Variants in KIAA0232 observed in about 807,000 individuals in gnomAD.
The protein encoded by KIAA0232 is uncharacterized protein KIAA0232.
Under a neutral mutation model 122.0 loss-of-function variants are expected in KIAA0232, and 27 were observed. The observed-to-expected ratio is 0.22, with a 90% CI of 0.16 to 0.31. The LOEUF is 0.31. KIAA0232 is among the 10% of genes least tolerant of loss of function. The probability of loss-of-function intolerance (pLI) is 1.00; values close to 1 mark genes in which losing one functional copy is unlikely to be tolerated. For missense variants in KIAA0232, 1,551 were observed against 1,634.2 expected (o/e 0.95, Z 0.88); for synonymous variants, 613 against 587.6 (o/e 1.04, Z -0.63).
At chr4:6,821,514 G>A (rs2109021235) in intron 2 of KIAA0232, among the ~76,000 whole-genome samples, 1 of 152,158 alleles carries the variant, frequency 6.6e-6, no homozygotes. Flanking sequence ...TAGAATAATG[G>A]TCTCTGGTTC....
At chr4:6,789,704 T>C (rs1716802749) in intron 1 of KIAA0232, among the ~76,000 whole-genome samples, 2 of 152,342 alleles carry the variant, frequency 1.3e-5, no homozygotes, top group South Asian at 2.1e-4. Context: ...TGTCTGTAGA[T>C]GAGCAGGTTT....
In KIAA0232 at chr4:6,862,172, G is replaced by A. The variant is rs752327429; in HGVS notation, c.1790G>A (p.Ser597Asn). ...LAQFWECCSSSSGDADGESFG... is the reference protein window; with the variant it reads ...LAQFWECCSSNSGDADGESFG... ...CAGTTTTGGGAGTGCTGTTCATCCA[G>A]CTCCGGTGATGCTGATGGGGAGAGT... Residue 597 changes from serine to asparagine, a missense_variant, in exon 7 of 10, where the codon AGC becomes AAC. Around this residue, in one of 5 missense-constraint regions of KIAA0232, gnomAD observed 1,108 missense variants for 1,154.8 expected, o/e 0.96. Transcript: ENST00000307659. The A allele has an allele frequency of 6.2e-7, 1 of 1,614,166 alleles. No individual in the cohort carries two copies. The highest frequency in any genetic ancestry group is 1.7e-5 in the Admixed American group (1 of 60,018).
chr4:6,858,409 T>G lies in KIAA0232; in HGVS notation c.437-16T>G. On this transcript the variant is annotated splice_polypyrimidine_tract_variant and intron_variant, in intron 5 of 9. Transcript: ENST00000307659. ...AGATATAAGACAAATCTTTCTTAAT[T>G]TTTGTTTCATAACAGAAGAGAAGAT... 1 of 1,505,330 alleles carries G rather than the reference T, an allele frequency of 6.6e-7. No individual in the cohort carries two copies. The highest frequency in any genetic ancestry group is 9.1e-7 in the Non-Finnish European group (1 of 1,099,668). 93.2% of individuals were successfully genotyped at this position (1,505,330 alleles called of 1,614,324 possible).
intron 3 of KIAA0232, among the ~76,000 whole-genome samples, chr4:6,826,356 G>A (rs1718684803): frequency 6.6e-6 from 1 of 151,976 alleles, no homozygotes. Context: ...TCATCTTTCT[G>A]GTAAATGTCA....
intron 1 of KIAA0232, among the ~76,000 whole-genome samples, chr4:6,792,299 T>C (rs1045597755): frequency 6.6e-6 from 1 of 152,162 alleles, no homozygotes; most frequent in Non-Finnish European, 1.5e-5. Context: ...CAGGTTTTTG[T>C]TATTTGTAAC....
Position 6,862,163 on chromosome 4 carries a change from G to A in KIAA0232, c.1781G>A (p.Cys594Tyr), listed in dbSNP as rs199735011. 19 of 1,614,068 alleles carry A rather than the reference G, an allele frequency of 1.2e-5. No homozygotes were observed. Among genetic ancestry groups the A allele is most frequent in the Non-Finnish European group, 1.7e-6 (2 of 1,180,050 alleles). Residue 594 changes from cysteine (C) to tyrosine (Y), a missense_variant, in exon 7 of 10, where the codon TGT becomes TAT. By Grantham distance (194) the Cys-to-Tyr change is radical. Around this residue, in one of 5 missense-constraint regions of KIAA0232, gnomAD observed 1,108 missense variants for 1,154.8 expected, o/e 0.96. Coordinates refer to ENST00000307659, the MANE Select transcript of KIAA0232 (RefSeq NM_014743.3). ...LGNLAQFWEC[C>Y]SSSSGDADGE... ...AATCTGGCTCAGTTTTGGGAGTGCT[G>A]TTCATCCAGCTCCGGTGATGCTGAT...
Position 6,883,425 on chromosome 4 carries a change from C to A in KIAA0232, c.*2459C>A, listed in dbSNP as rs945712602. On this transcript the variant is annotated 3_prime_UTR_variant, in exon 10 of 10. Coordinates refer to ENST00000307659, the MANE Select transcript of KIAA0232 (RefSeq NM_014743.3). Reference sequence around the variant, plus strand: ...TTCTTTTGTAAAGAACTCCAGCTTCCTTTTACTCATGAGCATCCGTGGAAG... The same window carrying A: ...TTCTTTTGTAAAGAACTCCAGCTTCATTTTACTCATGAGCATCCGTGGAAG... The A allele has an allele frequency of 1.3e-5, 2 of 152,276 alleles. No homozygotes were observed. Among genetic ancestry groups the A allele is most frequent in the African/African-American group, 4.8e-5 (2 of 41,450 alleles). 9.4% of individuals were successfully genotyped at this position (152,276 alleles called of 1,614,324 possible).
intron 1 of KIAA0232, among the ~76,000 whole-genome samples, chr4:6,792,700 T>TG (rs1429969985): frequency 4.7e-5 from 7 of 149,856 alleles, no homozygotes; most frequent in East Asian, 3.9e-4. Flanking sequence ...TTTTTGTTTT[T>TG]TTTTTTTGAG....
At chr4:6,878,231 C>T (rs536109492) in intron 9 of KIAA0232, among the ~76,000 whole-genome samples, 3 of 152,156 alleles carry the variant, frequency 2.0e-5, no homozygotes, top group East Asian at 1.9e-4. Context: ...AAAAATTAGC[C>T]GGGCGTGATG....
rs1367808471 is a variant in KIAA0232, at chr4:6,842,050, G to T, written c.232-17G>T. 8.1e-6 allele frequency: 13 copies of T among 1,613,048 alleles called. No individual in the cohort carries two copies. Among genetic ancestry groups the T allele is most frequent in the Non-Finnish European group, 1.0e-5 (12 of 1,179,666 alleles). ...AAGTTAGCCCTGGTCATTTAACCTG[G>T]TGCAATTTCATTGCAGGAGAATGAC... is the stretch of plus-strand genomic sequence containing the variant. On this transcript the variant is annotated splice_polypyrimidine_tract_variant and intron_variant, in intron 3 of 9. Coordinates refer to ENST00000307659, the MANE Select transcript of KIAA0232 (RefSeq NM_014743.3).
At chr4:6,823,935 G>T (rs932706825) in intron 2 of KIAA0232, among the ~76,000 whole-genome samples, 1 of 152,018 alleles carries the variant, frequency 6.6e-6, no homozygotes, top group African/African-American at 2.4e-5. Flanking sequence ...GGACAGCCTC[G>T]AACTCCTGGG....
intron 2 of KIAA0232, among the ~76,000 whole-genome samples, chr4:6,806,492 T>C (rs1717619624): frequency 6.6e-6 from 1 of 151,960 alleles, no homozygotes; most frequent in African/African-American, 2.4e-5. Context: ...CCCAGCACTT[T>C]GGGAGGCCGA....
chr4:6,873,975 AC>A (rs1398145431), intron 8 of KIAA0232, among the ~76,000 whole-genome samples: 6 of 152,156 alleles, frequency 3.9e-5, no homozygotes, highest in African/African-American at 1.2e-4. Context: ...ATGATTCATC[AC>A]AAGCAGTTGC....
chr4:6,824,546 T>G lies in KIAA0232; in HGVS notation c.93T>G (p.Ser31=), dbSNP rs770428236. 19 of 1,614,250 alleles carry G rather than the reference T, an allele frequency of 1.2e-5. No individual in the cohort carries two copies. The East Asian group carries it at 2.5e-4, about 21-fold the overall frequency. The change falls in exon 3 of 10, where the codon TCT becomes TCG. Residue 31 remains serine (S), a synonymous_variant. Coordinates refer to ENST00000307659, the MANE Select transcript of KIAA0232 (RefSeq NM_014743.3). ...YPGPVSVSEM[S]LLHALGPVQT... is the part of the protein sequence containing the mutation. ...GCCCTGTGTCTGTTTCTGAAATGTC[T>G]CTGCTTCATGCTTTGGGTCCAGTGC...
At position 6,792,343 on chromosome 4, in the gene KIAA0232, C is replaced by T. The variant is rs145229840; in HGVS notation, c.-354+9502C>T. Among the ~76,000 whole-genome samples the T allele has an allele frequency of 3.3e-3, 500 of 152,148 alleles. 1 individual carries two copies. Among genetic ancestry groups the T allele is most frequent in the African/African-American group, 0.012 (491 of 41,496 alleles). On this transcript the variant is annotated intron_variant, in intron 1 of 9. Coordinates refer to ENST00000307659, the MANE Select transcript of KIAA0232 (RefSeq NM_014743.3). Reference sequence around the variant, plus strand: ...ACAGTAAACATTTTTGTACATATGTCTTAGTGAACTTTCATGAGTAACCAC... The same window carrying T: ...ACAGTAAACATTTTTGTACATATGTTTTAGTGAACTTTCATGAGTAACCAC...
At chr4:6,824,711 G>A in intron 3 of KIAA0232, 27 bp downstream of exon 3, 1 of 1,584,560 alleles carries the variant, frequency 6.3e-7, no homozygotes, top group Non-Finnish European at 8.7e-7. Context: ...AGTGTTTTCT[G>A]AAAACTGATT....
intron 3 of KIAA0232, among the ~76,000 whole-genome samples, chr4:6,829,740 T>C (rs182817878): frequency 6.6e-6 from 1 of 152,304 alleles, no homozygotes; most frequent in Admixed American, 6.5e-5. Context: ...CATTTTACAG[T>C]CTTACTCAAA....
Position 6,863,631 on chromosome 4 carries a change from A to C in KIAA0232, c.3249A>C (p.Glu1083Asp), listed in dbSNP as rs570648055. Residue 1083 changes from glutamate (E) to aspartate (D), a missense_variant, in exon 7 of 10, where the codon GAA becomes GAC. Around this residue, in one of 5 missense-constraint regions of KIAA0232, gnomAD observed 1,108 missense variants for 1,154.8 expected, o/e 0.96. Transcript: ENST00000307659. ...TCCTCTGTTCTGATTCAGACAGTGA[A>C]GTGTTTCACCCCAGGATATGTGGTG... The part of the protein sequence containing the change: ...KSILCSDSDS[E>D]VFHPRICGVD... The C allele has an allele frequency of 6.2e-7, 1 of 1,614,172 alleles. No homozygotes were observed. Among genetic ancestry groups the C allele is most frequent in the Admixed American group, 1.7e-5 (1 of 60,010 alleles).
chr4:6,792,707 T>C (rs1291693608), intron 1 of KIAA0232, among the ~76,000 whole-genome samples: 1 of 149,032 alleles, frequency 6.7e-6, no homozygotes, highest in East Asian at 2.0e-4. Flanking sequence ...TTTTTTTTTT[T>C]GAGACAGAGT....
Sources: gnomAD v4.1 joint callset for allele counts (sites outside exome capture counted in the v4.1 genomes callset) on GRCh38, gnomAD v4.1.1 for gene constraint, gnomAD v4.1.1 regional missense constraint, MANE v1.5 for transcripts, NCBI Gene and HGNC (gene_info 2026-07-23, HGNC 2026-07-21) for gene names.